ADGRV1: variants seen among roughly 807,000 people sequenced by gnomAD.
ADGRV1 encodes adhesion G protein-coupled receptor V1.
ADGRV1 carries 359 observed loss-of-function variants against 596.2 expected under a neutral mutation model. That is an observed-to-expected ratio of 0.60 (90% CI 0.55 to 0.66). The LOEUF (loss-of-function observed/expected upper bound fraction) is 0.66, where lower values mean the gene tolerates loss of function less well. ADGRV1 is among the 30% of genes least tolerant of loss of function. ADGRV1 has a pLI of 0.00. For synonymous variants in ADGRV1, 2,681 were observed against 2,679.2 expected (o/e 1.00, Z -0.02); for missense variants, 7,274 against 7,575.6 (o/e 0.96, Z 1.48).
chr5:91,094,690 G>A (rs1257033787), intron 86 of ADGRV1, among the ~76,000 whole-genome samples: 1 of 152,138 alleles, frequency 6.6e-6, no homozygotes, highest in East Asian at 1.9e-4. Flanking sequence ...GAAGGAAAAT[G>A]GGGCATCAGG....
At chr5:90,807,846 A>G (rs1163944731) in intron 73 of ADGRV1, 109 bp downstream of exon 73, 3 of 1,015,776 alleles carry the variant, frequency 3.0e-6, no homozygotes, top group East Asian at 2.5e-5. Context: ...GCAAACACAA[A>G]CATAGTTTTA....
At chr5:91,044,884 A>T (rs1038803313) in intron 85 of ADGRV1, among the ~76,000 whole-genome samples, 2 of 152,156 alleles carry the variant, frequency 1.3e-5, no homozygotes, top group Non-Finnish European at 2.9e-5. Flanking sequence ...AAGACAAAAA[A>T]CCTGTAAGAA....
intron 85 of ADGRV1, among the ~76,000 whole-genome samples, chr5:91,028,880 A>T (rs1784252217): frequency 6.6e-6 from 1 of 151,910 alleles, no homozygotes. Context: ...CTAGGACTAC[A>T]GGTGCACCTC....
intron 86 of ADGRV1, among the ~76,000 whole-genome samples, chr5:91,101,468 G>A (rs1013230550): frequency 9.9e-5 from 15 of 152,066 alleles, no homozygotes; most frequent in African/African-American, 3.4e-4. Flanking sequence ...GCAAAGATCC[G>A]ATTCACTTTC....
chr5:90,856,561 A>G (rs191991317), intron 82 of ADGRV1, among the ~76,000 whole-genome samples: 3 of 152,290 alleles, frequency 2.0e-5, no homozygotes, highest in African/African-American at 7.2e-5. Flanking sequence ...CTATAATTCT[A>G]TACCCCACCC....
intron 82 of ADGRV1, among the ~76,000 whole-genome samples, chr5:90,862,108 T>C (rs972578438): frequency 6.6e-6 from 1 of 152,228 alleles, no homozygotes; most frequent in Non-Finnish European, 1.5e-5. Flanking sequence ...AAATTTAGTA[T>C]ACTAAATGTA....
intron 83 of ADGRV1, among the ~76,000 whole-genome samples, chr5:90,911,226 G>C (rs984924371): frequency 2.0e-5 from 3 of 152,136 alleles, no homozygotes; most frequent in East Asian, 3.9e-4. Context: ...TCAGGAAAAG[G>C]GGGTAGACAG....
At chr5:90,664,082 C>A (rs543362791) in intron 21 of ADGRV1, among the ~76,000 whole-genome samples, 127 of 140,456 alleles carry the variant, frequency 9.0e-4, no homozygotes, top group African/African-American at 3.1e-3. Context: ...CTTAGGATTG[C>A]CTTGGCGATG....
In ADGRV1 at chr5:90,728,931, T is replaced by G. The variant is rs1271176380; in HGVS notation, c.10424T>G (p.Leu3475Arg). The G allele has an allele frequency of 5.6e-6, 9 of 1,599,920 alleles. No individual in the cohort carries two copies. The highest frequency in any genetic ancestry group is 7.7e-6 in the Non-Finnish European group (9 of 1,169,452). ...CTAATATTTGCCGAAAATGTCTTTC[T>G]AGGTGAGAAGATAAAGTATTTGTAG... is the stretch of plus-strand genomic sequence containing the variant. ...IYLIFAENVF[L>R]GDQNSIDIFI... is the part of the protein sequence containing the mutation. Residue 3475 changes from leucine (L) to arginine (R), a missense_variant and splice_region_variant, in exon 49 of 90, where the codon CTA becomes CGA. Coordinates refer to ENST00000405460, the MANE Select transcript of ADGRV1 (RefSeq NM_032119.4).
chr5:90,802,005 A>G (rs563385355), intron 70 of ADGRV1, among the ~76,000 whole-genome samples: 3 of 152,290 alleles, frequency 2.0e-5, no homozygotes, highest in South Asian at 2.1e-4. Flanking sequence ...TTAGTATTCA[A>G]TGAGGAGGAG....
intron 27 of ADGRV1, 117 bp downstream of exon 27, chr5:90,681,571 C>A: frequency 1.0e-6 from 1 of 984,312 alleles, no homozygotes; most frequent in Non-Finnish European, 1.4e-6. Flanking sequence ...GGGAATGAGC[C>A]TATTGGCACA....
At chr5:90,794,538 T>G (rs1372006821) in intron 70 of ADGRV1, among the ~76,000 whole-genome samples, 1 of 152,230 alleles carries the variant, frequency 6.6e-6, no homozygotes. Context: ...AAATAATTCC[T>G]GGTGCCATGT....
chr5:90,780,549 ATAT>A (rs1758727098), intron 64 of ADGRV1, among the ~76,000 whole-genome samples: 1 of 152,182 alleles, frequency 6.6e-6, no homozygotes, highest in Non-Finnish European at 1.5e-5. Flanking sequence ...GATGGGAATA[ATAT>A]TAATCTAAAA....
intron 38 of ADGRV1, among the ~76,000 whole-genome samples, chr5:90,708,559 C>T (rs988691443): frequency 1.3e-5 from 2 of 151,274 alleles, no homozygotes; most frequent in African/African-American, 4.9e-5. Flanking sequence ...AATTGGTTTA[C>T]ATATTATATA....
chr5:91,070,993 G>C (rs1250396810), intron 85 of ADGRV1, among the ~76,000 whole-genome samples: 1 of 152,136 alleles, frequency 6.6e-6, no homozygotes, highest in African/African-American at 2.4e-5. Flanking sequence ...AAGGATTCTG[G>C]AGCTGGAAAA....
intron 85 of ADGRV1, among the ~76,000 whole-genome samples, chr5:90,991,061 C>T (rs1056665435): frequency 6.6e-6 from 1 of 152,110 alleles, no homozygotes; most frequent in South Asian, 2.1e-4. Flanking sequence ...TCTGGAACCC[C>T]AGTTATGTGA....
chr5:90,930,911 C>T (rs1018783095), intron 83 of ADGRV1, among the ~76,000 whole-genome samples: 4 of 152,112 alleles, frequency 2.6e-5, no homozygotes, highest in African/African-American at 9.7e-5. Context: ...TACTGCCTAA[C>T]TTTGAAGGAG....
chr5:90,859,243 C>G (rs1032371103), intron 82 of ADGRV1, among the ~76,000 whole-genome samples: 2 of 152,074 alleles, frequency 1.3e-5, no homozygotes, highest in Admixed American at 6.6e-5. Context: ...TCCTAAAGTG[C>G]TTGAGTTACA....
intron 70 of ADGRV1, among the ~76,000 whole-genome samples, chr5:90,802,408 A>G (rs1304815252): frequency 1.3e-4 from 20 of 151,642 alleles, no homozygotes; most frequent in Non-Finnish European, 4.4e-5. Context: ...TTTATTTTTT[A>G]TTAGTAGAGA....
Sources: allele counts gnomAD v4.1 joint callset (sites outside exome capture counted in the v4.1 genomes callset), GRCh38; gene constraint gnomAD v4.1.1; transcripts MANE v1.5; gene names NCBI Gene and HGNC (gene_info 2026-07-23, HGNC 2026-07-21).